Variants in CCDC136 observed in about 807,000 individuals in gnomAD.
CCDC136 encodes the protein coiled-coil domain-containing protein 136.
In CCDC136, 100 loss-of-function variants were observed where a neutral mutation model predicts 141.2. The ratio of observed to expected loss-of-function variants is 0.71; its 90% CI spans 0.60 to 0.84. The LOEUF (loss-of-function observed/expected upper bound fraction) is 0.84. Ranked by LOEUF, CCDC136 falls within the 40% of genes least tolerant of loss-of-function variation. CCDC136 has a pLI of 0.00. For missense variants in CCDC136, 1,206 were observed against 1,379.4 expected (o/e 0.87, Z 1.99); for synonymous variants, 474 against 531.9 (o/e 0.89, Z 1.50).
At chr7:128,790,860 G>A (rs1802095571), upstream of CCDC136, 1 of 152,314 alleles carries the variant, frequency 6.6e-6, no homozygotes, top group South Asian at 2.1e-4. This position sits in a 1 kb window ranked among gnomAD's most constrained non-coding sequence, Gnocchi z 5.4. Context: ...GGAGAGGTCA[G>A]GGCCCTGCCG....
intron 1 of CCDC136, 22 bp downstream of exon 1, chr7:128,792,449 C>T (rs1256032405): frequency 3.2e-6 from 5 of 1,579,026 alleles, no homozygotes; most frequent in Non-Finnish European, 4.3e-6. Context: ...CAAAAGGCTT[C>T]TTTCTTTCCC....
rs528469551 is a variant in CCDC136, at chr7:128,811,670, C to A, written c.2029-130C>A. On this transcript the variant is annotated intron_variant, in intron 12 of 17. Coordinates refer to ENST00000297788, the MANE Select transcript of CCDC136 (RefSeq NM_022742.5). Reference sequence around the variant, plus strand: ...CTATAGGCTAAGTCAGAGACATAGGCCGGGGTGAGGTGGAAATGTAGGTGT... The same window carrying A: ...CTATAGGCTAAGTCAGAGACATAGGACGGGGTGAGGTGGAAATGTAGGTGT... The A allele has an allele frequency of 6.2e-6, 5 of 803,416 alleles. No homozygotes were observed. The Admixed American group carries it at 8.7e-5, about 14-fold the overall frequency. The allele number at this position is 803,416 out of a possible 1,614,324, so 49.8% of individuals were successfully genotyped here.
rs879066342 is a variant in CCDC136 at position 128,817,917 on chromosome 7, C to T, written c.*5+53C>T. ...AGGGATAGAGGGAGGGTGCAGGTTG[C>T]CCTGGCCTCTCCTCTTTCCCTTTTC... On this transcript the variant is annotated intron_variant, in intron 17 of 17. Coordinates refer to ENST00000297788, the MANE Select transcript of CCDC136 (RefSeq NM_022742.5). This position sits in a 1 kb window ranked among gnomAD's most constrained non-coding sequence, Gnocchi z 4.6. 14 of 1,360,492 alleles carry T rather than the reference C, an allele frequency of 1.0e-5. No homozygotes were observed. Among genetic ancestry groups the T allele is most frequent in the Admixed American group, 3.5e-5 (2 of 56,638 alleles). 84.3% of individuals were successfully genotyped at this position (1,360,492 alleles called of 1,614,324 possible).
intron 12 of CCDC136, among the ~76,000 whole-genome samples, chr7:128,810,717 G>A (rs938470630): frequency 6.6e-6 from 1 of 152,220 alleles, no homozygotes; most frequent in Admixed American, 6.5e-5. Flanking sequence ...TTTGGTGTTT[G>A]TTTGGATTCC....
chr7:128,810,106 A>T (rs747808387), intron 11 of CCDC136, 33 bp from the exon 12 acceptor site: 1 of 1,371,024 alleles, frequency 7.3e-7, no homozygotes, highest in South Asian at 1.3e-5. Context: ...GACCACCACC[A>T]TCCCTTGCCT....
intron 3 of CCDC136, among the ~76,000 whole-genome samples, chr7:128,800,652 G>T (rs1213109499): frequency 6.6e-6 from 1 of 152,108 alleles, no homozygotes; most frequent in Non-Finnish European, 1.5e-5. Flanking sequence ...TCCCGTGTTT[G>T]GTTATTATGC....
chr7:128,792,664 C>T (rs546917824), intron 1 of CCDC136, among the ~76,000 whole-genome samples: 1 of 152,100 alleles, frequency 6.6e-6, no homozygotes, highest in African/African-American at 2.4e-5. Context: ...TTATGTGTCC[C>T]GAGGGAGCTG....
intron 12 of CCDC136, among the ~76,000 whole-genome samples, chr7:128,810,880 G>C (rs1805608606): frequency 6.6e-6 from 1 of 152,150 alleles, no homozygotes. Context: ...TCTTAGTACT[G>C]ACCACACTAT....
Position 128,822,074 on chromosome 7 carries a change from TCTC to T in CCDC136, c.*284_*286del. The T allele has an allele frequency of 8.4e-7, 1 of 1,185,720 alleles. No individual in the cohort carries two copies. The highest frequency in any genetic ancestry group is 1.1e-6 in the Non-Finnish European group (1 of 938,502). 73.4% of individuals were successfully genotyped at this position (1,185,720 alleles called of 1,614,324 possible). A position where few individuals can be genotyped will look rare whatever the true frequency, so the allele number is the denominator to read the frequency against. On this transcript the variant is annotated 3_prime_UTR_variant, in exon 18 of 18. Coordinates refer to ENST00000297788, the MANE Select transcript of CCDC136 (RefSeq NM_022742.5). The stretch of plus-strand genomic sequence containing the variant: ...GCTTGTGGGGAGCGGCTGACTTCCA[TCTC>T]CTGCCTTGTGTAAGAACCTGAGTTC...
intron 13 of CCDC136, 115 bp downstream of exon 13, chr7:128,812,427 G>C (rs1178361113): frequency 1.7e-6 from 2 of 1,165,534 alleles, no homozygotes; most frequent in Non-Finnish European, 2.4e-6. Flanking sequence ...AACTGACCTG[G>C]GGAACTATTG....
intron 3 of CCDC136, 90 bp from the exon 4 acceptor site, chr7:128,801,096 G>T (rs1346435629): frequency 5.4e-6 from 5 of 919,108 alleles, no homozygotes; most frequent in African/African-American, 1.7e-5. Flanking sequence ...TTGCAGACAA[G>T]AAATAAGTCT....
In CCDC136 at chr7:128,817,472, G is replaced by C. The variant is rs1806809545; in HGVS notation, c.3364-286G>C. The stretch of plus-strand genomic sequence containing the variant: ...ACCTCCTGCTTGACAGGATATGAGA[G>C]GTATGTGACGAGACAGAAAGAAAAC... On this transcript the variant is annotated intron_variant, in intron 16 of 17. Coordinates refer to ENST00000297788, the MANE Select transcript of CCDC136 (RefSeq NM_022742.5). The surrounding 1 kb of genome is among the most constrained non-coding windows in gnomAD (Gnocchi z 4.6). 6.6e-6 allele frequency among the ~76,000 whole-genome samples: 1 copy of C among 151,946 alleles called. No individual in the cohort carries two copies. The highest frequency in any genetic ancestry group is 6.6e-5 in the Admixed American group (1 of 15,250).
At chr7:128,814,957 AGG>A (rs1240714837) in intron 15 of CCDC136, 38 bp downstream of exon 15, 1 of 1,498,258 alleles carries the variant, frequency 6.7e-7, no homozygotes, top group Non-Finnish European at 9.0e-7. Context: ...AGCAGAAAGG[AGG>A]AGGAGATCCT....
At position 128,814,824 on chromosome 7, in the gene CCDC136, A is replaced by G. The variant is rs1264133655; in HGVS notation, c.2950A>G (p.Asn984Asp). The change falls in exon 15 of 18, where the codon AAT (asparagine) becomes GAT (aspartate). Residue 984 changes from asparagine (N) to aspartate (D), a missense_variant. Coordinates refer to ENST00000297788, the MANE Select transcript of CCDC136 (RefSeq NM_022742.5). ...VVKEARGKNANKNMNKNANGV... is the reference protein window; with the variant it reads ...VVKEARGKNADKNMNKNANGV... Reference sequence around the variant, plus strand: ...CAAAGAAGCCCGGGGGAAGAATGCTAATAAGAACATGAACAAGAATGCCAA... The same window carrying G: ...CAAAGAAGCCCGGGGGAAGAATGCTGATAAGAACATGAACAAGAATGCCAA... The G allele has an allele frequency of 6.2e-7, 1 of 1,611,334 alleles. No homozygotes were observed. Among genetic ancestry groups the G allele is most frequent in the Non-Finnish European group, 8.5e-7 (1 of 1,178,690 alleles).
At chr7:128,795,127 T>C (rs909808736) in intron 3 of CCDC136, among the ~76,000 whole-genome samples, 7 of 152,134 alleles carry the variant, frequency 4.6e-5, no homozygotes, top group African/African-American at 1.4e-4. Flanking sequence ...GTGATCCAAG[T>C]TGAATTCCAA....
intron 3 of CCDC136, among the ~76,000 whole-genome samples, chr7:128,796,739 A>ATAT: frequency 4.4e-5 from 5 of 113,376 alleles, no homozygotes; most frequent in African/African-American, 1.8e-4. Context: ...ATATATATAT[A>ATAT]TTCTTTTTTT....
chr7:128,794,379 G>A lies in CCDC136; in HGVS notation c.48G>A (p.Glu16=), dbSNP rs1299328246. The part of the protein sequence containing the change: ...GEVLLPALYE[E]EEEEEEEEEE... ...TGTTACTCCCAGCTCTCTATGAGGA[G>A]GAAGAGGAAGAGGAAGAGGAGGAAG... Residue 16 remains glutamate, a synonymous_variant, in exon 2 of 18, where the codon GAG becomes GAA. Coordinates refer to ENST00000297788, the MANE Select transcript of CCDC136 (RefSeq NM_022742.5). The surrounding 1 kb of genome is among the most constrained non-coding windows in gnomAD (Gnocchi z 4.3). 1 of 1,549,312 alleles carries A rather than the reference G, an allele frequency of 6.5e-7. No homozygotes were observed. Among genetic ancestry groups the A allele is most frequent in the Admixed American group, 2.0e-5 (1 of 51,154 alleles).
rs1344928726 is a variant in CCDC136, at chr7:128,792,077, CTCTT to C, written c.-327_-324del. The C allele has an allele frequency of 3.0e-6, 4 of 1,340,452 alleles. No individual in the cohort carries two copies. The highest frequency in any genetic ancestry group is 3.3e-5 in the East Asian group (1 of 30,476). The allele number at this position is 1,340,452 out of a possible 1,614,324, so 83.0% of individuals were successfully genotyped here. ...CCCCCGGACTAAATACGCACACCCC[CTCTT>C]TCTTTCTGTGCAAGCAAGAGGGTCC... On this transcript the variant is annotated 5_prime_UTR_variant, in exon 1 of 18. Transcript: ENST00000297788.
rs758432688 is a variant in CCDC136 at position 128,814,899 on chromosome 7, A to C, written c.3025A>C (p.Ser1009Arg). The change falls in exon 15 of 18, where the codon AGC becomes CGC. Residue 1009 changes from serine to arginine, a missense_variant. Physicochemically the swap from Ser to Arg is moderately radical, Grantham distance 110. Transcript: ENST00000297788. ...VTKPCSDTSE[S>R]DLETRKSLEV... ...CAAGCCATGCTCGGATACTTCTGAG[A>C]GCGACCTTGAGACCAGAAAGGTGAG... 54 of 1,597,430 alleles carry C rather than the reference A, an allele frequency of 3.4e-5. No homozygotes were observed. The highest frequency in any genetic ancestry group is 4.2e-5 in the Non-Finnish European group (49 of 1,170,718).
Sources: allele counts gnomAD v4.1 joint callset (sites outside exome capture counted in the v4.1 genomes callset), GRCh38; gene constraint gnomAD v4.1.1; non-coding constraint Gnocchi (gnomAD v3.1); transcripts MANE v1.5; gene names NCBI Gene and HGNC (gene_info 2026-07-23, HGNC 2026-07-21).